The following COL24A1 variants were observed in gnomAD, a reference collection of about 807,000 sequenced individuals.
COL24A1 encodes the protein collagen type XXIV alpha 1 chain.
A neutral mutation model predicts 253.9 loss-of-function variants in COL24A1; 224 were observed. That is an observed-to-expected ratio of 0.88 (90% CI 0.79 to 0.99). COL24A1 has a LOEUF of 0.99. Among genes scored for constraint, COL24A1 ranks in the 50% least tolerant of loss-of-function variants. The pLI is 0.00. For synonymous variants in COL24A1, 685 were observed against 673.7 expected (o/e 1.02, Z -0.26); for missense variants, 2,131 against 2,068.5 (o/e 1.03, Z -0.59).
intron 24 of COL24A1, among the ~76,000 whole-genome samples, chr1:85,911,748 T>C (rs1205443212): frequency 2.0e-5 from 3 of 152,150 alleles, no homozygotes; most frequent in Admixed American, 2.0e-4. Context: ...CCTGACGTTT[T>C]CATACCTGTT....
At position 86,023,000 on chromosome 1, in the gene COL24A1, A is replaced by G. The variant is rs1697692633; in HGVS notation, c.2057T>C (p.Val686Ala). The change falls in exon 15 of 60, where the codon GTT becomes GCT. Residue 686 changes from valine (V) to alanine (A), a missense_variant. Physicochemically the swap from Val to Ala is moderately conservative, Grantham distance 64. Transcript: ENST00000370571. ...PPGFPGLRGS[V>A]GPVGPIGPAG... ...AGGTCCAATTGGTCCCACAGGGCCAACACTGCCCTGGAAAACAGTAAGAAA... is the reference window on the plus strand; with the variant it reads ...AGGTCCAATTGGTCCCACAGGGCCAGCACTGCCCTGGAAAACAGTAAGAAA... The G allele has an allele frequency of 3.1e-6, 5 of 1,612,870 alleles. No homozygotes were observed. The highest frequency in any genetic ancestry group is 2.5e-6 in the Non-Finnish European group (3 of 1,179,272).
chr1:85,991,185 G>A lies in COL24A1; in HGVS notation c.2311-3531C>T, dbSNP rs574053640. On this transcript the variant is annotated intron_variant, in intron 19 of 59. Coordinates refer to ENST00000370571, the MANE Select transcript of COL24A1 (RefSeq NM_152890.7). ...TCTATATGTGACTACCAATTTGCAG[G>A]AAACACACAGGACCAAGAAACAGGC... 1.2e-3 allele frequency among the ~76,000 whole-genome samples: 181 copies of A among 152,194 alleles called. 3 individuals carry two copies. Among genetic ancestry groups the A allele is most frequent in the Middle Eastern group, 6.8e-3 (2 of 294 alleles).
At chr1:85,842,699 T>G (rs1570879035) in intron 39 of COL24A1, among the ~76,000 whole-genome samples, 2 of 152,276 alleles carry the variant, frequency 1.3e-5, no homozygotes, top group Non-Finnish European at 1.5e-5. Flanking sequence ...GGAAATGTGG[T>G]TTACATCTGT....
intron 45 of COL24A1, among the ~76,000 whole-genome samples, chr1:85,820,684 TTGAG>T (rs1673531291): frequency 6.6e-6 from 1 of 152,140 alleles, no homozygotes; most frequent in Non-Finnish European, 1.5e-5. Context: ...TGTAGGATAT[TTGAG>T]TGAATGGGGT....
chr1:85,743,334 A>G (rs1192184723), intron 57 of COL24A1, among the ~76,000 whole-genome samples: 3 of 152,092 alleles, frequency 2.0e-5, no homozygotes, highest in African/African-American at 4.8e-5. Context: ...TTTTGCATTT[A>G]TTCTTTGTGC....
intron 24 of COL24A1, among the ~76,000 whole-genome samples, chr1:85,944,419 T>TA (rs1491050568): frequency 9.9e-5 from 15 of 152,196 alleles, no homozygotes; most frequent in Admixed American, 9.8e-4. Context: ...TTGTGTTTTT[T>TA]ATGTTTCTCA....
chr1:86,125,084 TG>T lies in COL24A1; in HGVS notation c.1251del (p.His417GlnfsTer12). On this transcript the variant is annotated frameshift_variant, in exon 3 of 60. Transcript: ENST00000370571. LOFTEE classifies it high-confidence loss of function. The stretch of plus-strand genomic sequence containing the variant: ...GGTTGCATTTCCATGAGTTCGTTAG[TG>T]TGTAGATTTGCTGTGATAGCCTTCT... Reference protein sequence around the residue: ...NLKKAITANLHTNELMEMQPI... With the variant: ...NLKKAITANLXTNELMEMQPI... 6.2e-7 allele frequency: 1 copy of T among 1,613,192 alleles called. No individual in the cohort carries two copies. Among genetic ancestry groups the T allele is most frequent in the Non-Finnish European group, 8.5e-7 (1 of 1,179,666 alleles).
At chr1:85,964,016 A>G (rs943513914) in intron 23 of COL24A1, among the ~76,000 whole-genome samples, 8 of 152,154 alleles carry the variant, frequency 5.3e-5, no homozygotes, top group Non-Finnish European at 1.0e-4. Context: ...AGCCTCATAC[A>G]TACTGATATA....
chr1:86,089,315 A>C, intron 6 of COL24A1, 88 bp from the exon 7 acceptor site: 2 of 1,043,756 alleles, frequency 1.9e-6, no homozygotes, highest in Non-Finnish European at 2.9e-6. Context: ...TTAATTTTGG[A>C]CATCAGCTCT....
intron 19 of COL24A1, among the ~76,000 whole-genome samples, chr1:86,007,237 CCCACCACCA>C (rs901884782): frequency 6.6e-6 from 1 of 151,206 alleles, no homozygotes; most frequent in African/African-American, 2.4e-5. Flanking sequence ...AACAAACAAA[CCCACCACCA>C]CCACCACCAC....
rs1684874407 is a variant in COL24A1 at position 85,906,736 on chromosome 1, T to A, written c.2778+458A>T. ...TATTATTTAATTCTGTATACATGAT[T>A]ATTAGACAATGATGATTATAATAAC... On this transcript the variant is annotated intron_variant, in intron 28 of 59. Transcript: ENST00000370571. Among the ~76,000 whole-genome samples, 3 of 152,064 alleles carry A rather than the reference T, an allele frequency of 2.0e-5. 1 individual carries two copies. In the South Asian group the frequency reaches 6.2e-4, roughly 32 times the overall value.
intron 39 of COL24A1, among the ~76,000 whole-genome samples, chr1:85,844,015 GA>G (rs1439455977): frequency 6.7e-6 from 1 of 149,944 alleles, no homozygotes; most frequent in African/African-American, 2.5e-5. Context: ...CAAATAGCAA[GA>G]AAAAAAACAG....
rs530191366 is a variant in COL24A1 at position 85,927,130 on chromosome 1, CG to C, written c.2563-15698del. On this transcript the variant is annotated intron_variant, in intron 24 of 59. Transcript: ENST00000370571. Reference sequence around the variant, plus strand: ...GGTCTACAGCTCCCAGCGTGAGCGACGCAGAAGACGGGTGATTTCTGCACTT... The same window carrying C: ...GGTCTACAGCTCCCAGCGTGAGCGACCAGAAGACGGGTGATTTCTGCACTT... Among the ~76,000 whole-genome samples, 4 of 152,198 alleles carry C rather than the reference CG, an allele frequency of 2.6e-5. No individual in the cohort carries two copies. In the South Asian group the frequency reaches 8.3e-4, roughly 32 times the overall value.
chr1:86,103,222 C>T (rs575823670), intron 5 of COL24A1, among the ~76,000 whole-genome samples: 18 of 152,028 alleles, frequency 1.2e-4, no homozygotes, highest in African/African-American at 4.1e-4. Flanking sequence ...TTTCTGTTTT[C>T]CATTTGCTTG....
intron 53 of COL24A1, among the ~76,000 whole-genome samples, chr1:85,774,760 C>G (rs1262805375): frequency 1.3e-5 from 2 of 152,058 alleles, no homozygotes. Flanking sequence ...ATTCTTCTCT[C>G]TTTTCTTCTT....
rs201910727 is a variant in COL24A1 at position 85,839,558 on chromosome 1, T to TA, written c.3628-921dup. On this transcript the variant is annotated intron_variant, in intron 42 of 59. Transcript: ENST00000370571. ...AGGCAACAGAGAGAGACCCTGTCTC[T>TA]AAAAAAAATTAAAAAATAATAAATA... Among the ~76,000 whole-genome samples, 586 of 151,414 alleles carry TA rather than the reference T, an allele frequency of 3.9e-3. 1 individual carries two copies. Among genetic ancestry groups the TA allele is most frequent in the South Asian group, 0.011 (55 of 4,790 alleles).
intron 3 of COL24A1, among the ~76,000 whole-genome samples, chr1:86,124,006 G>A (rs1034180175): frequency 6.6e-6 from 1 of 151,600 alleles, no homozygotes; most frequent in Admixed American, 6.6e-5. Flanking sequence ...AATTTCTAAA[G>A]ACATAAAGGT....
chr1:85,921,095 G>A (rs1216080366), intron 24 of COL24A1, among the ~76,000 whole-genome samples: 1 of 152,206 alleles, frequency 6.6e-6, no homozygotes, highest in Non-Finnish European at 1.5e-5. Context: ...GACAGTGGGT[G>A]CAGCCCATGG....
intron 43 of COL24A1, among the ~76,000 whole-genome samples, chr1:85,835,680 ATATG>A (rs1675919475): frequency 6.6e-6 from 1 of 152,202 alleles, no homozygotes. Flanking sequence ...AATTCTATTT[ATATG>A]AAATATCCAG....
Sources: gnomAD v4.1 joint callset for allele counts (sites outside exome capture counted in the v4.1 genomes callset) on GRCh38, gnomAD v4.1.1 for gene constraint, MANE v1.5 for transcripts, NCBI Gene and HGNC (gene_info 2026-07-23, HGNC 2026-07-21) for gene names.